Variants in PROSER1 observed in about 807,000 individuals in gnomAD.
PROSER1 encodes proline and serine-rich protein 1.
A neutral mutation model predicts 71.8 loss-of-function variants in PROSER1; 36 were observed. That is an observed-to-expected ratio of 0.50 (90% CI 0.38 to 0.66). The LOEUF (loss-of-function observed/expected upper bound fraction) is 0.66. Among genes scored for constraint, PROSER1 ranks in the 30% least tolerant of loss-of-function variants. The probability of loss-of-function intolerance (pLI) is 0.00; values close to 1 mark genes in which losing one functional copy is unlikely to be tolerated. For missense variants in PROSER1, 1,107 were observed against 1,135.0 expected (o/e 0.98, Z 0.35); for synonymous variants, 490 against 452.4 (o/e 1.08, Z -1.06).
chr13:39,028,504 G>A (rs1012279426), intron 4 of PROSER1, among the ~76,000 whole-genome samples, 184 bp from the exon 5 acceptor site: 3 of 151,928 alleles, frequency 2.0e-5, no homozygotes, highest in African/African-American at 7.3e-5. Flanking sequence ...TAATAACTTA[G>A]GTTTATCTGA....
chr13:39,012,481 A>G, intron 11 of PROSER1: 1 of 640,694 alleles, frequency 1.6e-6, no homozygotes, highest in Non-Finnish European at 2.7e-6. Context: ...AAATAAAACT[A>G]TCAAATACAA....
chr13:39,018,464 T>C (rs945298958), intron 9 of PROSER1, among the ~76,000 whole-genome samples: 2 of 133,656 alleles, frequency 1.5e-5, no homozygotes, highest in African/African-American at 5.7e-5. Flanking sequence ...AAAAGGACTT[T>C]TAAAACCCGA....
chr13:39,031,699 T>C (rs1299833556), intron 2 of PROSER1, 68 bp from the exon 3 acceptor site: 2 of 1,409,236 alleles, frequency 1.4e-6, no homozygotes, highest in East Asian at 2.3e-5. Flanking sequence ...ATTTCAGTAC[T>C]TGAAATTATA....
At chr13:39,028,712 A>G (rs548604753) in intron 4 of PROSER1, among the ~76,000 whole-genome samples, 68 of 152,282 alleles carry the variant, frequency 4.5e-4, no homozygotes, top group African/African-American at 1.5e-3. Context: ...ACACCTATGC[A>G]TACAAAAAGG....
rs1211027237 is a variant in PROSER1, at chr13:39,013,562, C to G, written c.1690G>C (p.Ala564Pro). Residue 564 changes from alanine (A) to proline (P), a missense_variant, in exon 11 of 13, where the codon GCT (alanine) becomes CCT (proline). Ala to Pro is a conservative substitution (Grantham distance 27, BLOSUM62 -1). Coordinates refer to ENST00000352251, the MANE Select transcript of PROSER1 (RefSeq NM_025138.5). Reference protein sequence around the residue: ...TLPVQSPLATAASASTSVPVS... With the variant: ...TLPVQSPLATPASASTSVPVS... Reference sequence around the variant, plus strand: ...GGCACTGACGTGGAAGCTGATGCAGCAGTGGCTAAAGGAGACTGTACAGGC... The same window carrying G: ...GGCACTGACGTGGAAGCTGATGCAGGAGTGGCTAAAGGAGACTGTACAGGC... 2 of 1,614,114 alleles carry G rather than the reference C, an allele frequency of 1.2e-6. No individual in the cohort carries two copies. The highest frequency in any genetic ancestry group is 1.7e-6 in the Non-Finnish European group (2 of 1,180,024).
At chr13:39,018,690 C>T (rs1225771385) in intron 9 of PROSER1, among the ~76,000 whole-genome samples, 1 of 151,718 alleles carries the variant, frequency 6.6e-6, no homozygotes, top group African/African-American at 2.4e-5. Flanking sequence ...GAAAAGATGT[C>T]ATAAATGAAT....
chr13:39,016,818 A>T (rs1351318462), intron 10 of PROSER1, among the ~76,000 whole-genome samples: 1 of 152,236 alleles, frequency 6.6e-6, no homozygotes, highest in Non-Finnish European at 1.5e-5. Flanking sequence ...CACTGTTCTC[A>T]GGGAATGGAA....
At chr13:39,024,224 G>A (rs1870435260) in intron 7 of PROSER1, among the ~76,000 whole-genome samples, 1 of 152,134 alleles carries the variant, frequency 6.6e-6, no homozygotes, top group Non-Finnish European at 1.5e-5. Context: ...CTGAGCAGCT[G>A]AATGCATCTC....
At chr13:39,024,653 G>A (rs1180003807) in intron 6 of PROSER1, 97 bp from the exon 7 acceptor site, 4 of 847,370 alleles carry the variant, frequency 4.7e-6, no homozygotes, top group East Asian at 5.3e-5. Context: ...TGAAGAAAAG[G>A]ACTTGGTAAG....
intron 10 of PROSER1, among the ~76,000 whole-genome samples, chr13:39,015,157 G>A (rs1046865279): frequency 2.0e-5 from 3 of 152,114 alleles, no homozygotes; most frequent in Admixed American, 6.5e-5. Flanking sequence ...GTTAATGAGC[G>A]TCTGCTGGGC....
In PROSER1 at chr13:39,014,561, A is replaced by G. The variant is rs180715103; in HGVS notation, c.776-85T>C. On this transcript the variant is annotated intron_variant, in intron 10 of 12. Transcript: ENST00000352251. Reference sequence around the variant, plus strand: ...AATTAAAAAGCATAACCATTTTTGTAATATTTAACAAATACCAAATAAAAA... The same window carrying G: ...AATTAAAAAGCATAACCATTTTTGTGATATTTAACAAATACCAAATAAAAA... 172 of 934,712 alleles carry G rather than the reference A, an allele frequency of 1.8e-4. 1 individual carries two copies. In the East Asian group the frequency reaches 4.0e-3, roughly 22 times the overall value. 57.9% of individuals were successfully genotyped at this position (934,712 alleles called of 1,614,324 possible).
intron 11 of PROSER1, 74 bp from the exon 12 acceptor site, chr13:39,012,307 A>T (rs1869703818): frequency 6.8e-7 from 1 of 1,463,960 alleles, no homozygotes; most frequent in African/African-American, 1.4e-5. Context: ...TTTGTCAAAT[A>T]CAATCTTAAA....
chr13:39,023,366 A>C, intron 7 of PROSER1: 1 of 427,886 alleles, frequency 2.3e-6, no homozygotes, highest in Non-Finnish European at 4.2e-6. Flanking sequence ...AGAGATTTTT[A>C]AAATCATCTC....
chr13:39,012,791 G>C lies in PROSER1; in HGVS notation c.2461C>G (p.Leu821Val). The C allele has an allele frequency of 6.2e-7, 1 of 1,614,212 alleles. No homozygotes were observed. Among genetic ancestry groups the C allele is most frequent in the Non-Finnish European group, 8.5e-7 (1 of 1,180,030 alleles). Residue 821 changes from leucine to valine, a missense_variant, in exon 11 of 13, where the codon CTA (leucine) becomes GTA (valine). Leu to Val is a conservative substitution (Grantham distance 32). Coordinates refer to ENST00000352251, the MANE Select transcript of PROSER1 (RefSeq NM_025138.5). ...GATGGGGCTGTGGCAGCCACAGGTA[G>C]TGGTGTGACAGCTGCGACTGTAGAG... ...APSTVAAVTP[L>V]PVAATAPSPA...
intron 11 of PROSER1, 49 bp from the exon 12 acceptor site, chr13:39,012,282 G>T (rs781019425): frequency 2.3e-5 from 35 of 1,554,802 alleles, no homozygotes; most frequent in Non-Finnish European, 3.0e-5. Context: ...AGACATAAAA[G>T]CTACTGTTTC....
rs2138129148 is a variant in PROSER1 at position 39,029,312 on chromosome 13, C to T, written c.244G>A (p.Asp82Asn). Residue 82 changes from aspartate (D) to asparagine (N), a missense_variant, in exon 4 of 13, where the codon GAC becomes AAC. By Grantham distance (23) the Asp-to-Asn change is conservative. Coordinates refer to ENST00000352251, the MANE Select transcript of PROSER1 (RefSeq NM_025138.5). Reference sequence around the variant, plus strand: ...AACAGTTCAAGAGCAACTAGTTTGTCTTTACTGAAAGTGAAACAGTTGAGT... The same window carrying T: ...AACAGTTCAAGAGCAACTAGTTTGTTTTTACTGAAAGTGAAACAGTTGAGT... ...NILNCFTFSK[D>N]KLVALELLAS... 1.3e-6 allele frequency: 2 copies of T among 1,490,388 alleles called. No individual in the cohort carries two copies. The highest frequency in any genetic ancestry group is 1.8e-6 in the Non-Finnish European group (2 of 1,111,482). The allele number at this position is 1,490,388 out of a possible 1,614,324, so 92.3% of individuals were successfully genotyped here. A position where few individuals can be genotyped will look rare whatever the true frequency, so the allele number is the denominator to read the frequency against.
At chr13:39,028,184 A>G (rs1426902800) in intron 5 of PROSER1, 43 bp downstream of exon 5, 2 of 1,101,254 alleles carry the variant, frequency 1.8e-6, no homozygotes, top group Non-Finnish European at 1.4e-6. Flanking sequence ...CAATATTCGG[A>G]AAAACCAGCG....
intron 4 of PROSER1, 124 bp from the exon 5 acceptor site, chr13:39,028,444 A>T: frequency 2.0e-6 from 1 of 488,282 alleles, no homozygotes; most frequent in South Asian, 3.7e-5. Context: ...GAAAAGTGTG[A>T]CTATTTACTT....
In PROSER1 at chr13:39,012,723, G is replaced by A; in HGVS notation, c.2529C>T (p.Ser843=). ...GTGCAACAAGAGCGGAGTTGAAATT[G>A]GAACTGAATGCTGAGGCGAATCCTG... ...VLPGFASAFS[S]NFNSALVAQA... The change falls in exon 11 of 13, where the codon TCC becomes TCT. Residue 843 remains serine, a synonymous_variant. Coordinates refer to ENST00000352251, the MANE Select transcript of PROSER1 (RefSeq NM_025138.5). The A allele has an allele frequency of 6.3e-7, 1 of 1,598,170 alleles. No homozygotes were observed. The highest frequency in any genetic ancestry group is 2.2e-5 in the East Asian group (1 of 44,700).
Sources: gnomAD v4.1 joint callset for allele counts (sites outside exome capture counted in the v4.1 genomes callset) on GRCh38, gnomAD v4.1.1 for gene constraint, MANE v1.5 for transcripts, NCBI Gene and HGNC (gene_info 2026-07-23, HGNC 2026-07-21) for gene names.